The following GDPD5 variants were observed in gnomAD, a reference collection of about 807,000 sequenced individuals.
GDPD5 encodes glycerophosphodiester phosphodiesterase domain containing 5.
Under a neutral mutation model 75.1 loss-of-function variants are expected in GDPD5, and 48 were observed. The ratio of observed to expected loss-of-function variants is 0.64; its 90% CI spans 0.51 to 0.81. The LOEUF (loss-of-function observed/expected upper bound fraction) is 0.81. Ranked by LOEUF, GDPD5 falls within the 40% of genes least tolerant of loss-of-function variation. The pLI is 0.00. For synonymous variants in GDPD5, 336 were observed against 339.0 expected (o/e 0.99, Z 0.10); for missense variants, 706 against 822.6 (o/e 0.86, Z 1.73).
intron 9 of GDPD5, among the ~76,000 whole-genome samples, chr11:75,447,240 T>C (rs1484279795): frequency 1.3e-5 from 2 of 152,224 alleles, no homozygotes; most frequent in Non-Finnish European, 2.9e-5. Flanking sequence ...ATGCGTGCTG[T>C]GGACCACATT....
rs548442593 is a variant in GDPD5 at position 75,475,230 on chromosome 11, G to A, written c.117+2389C>T. Reference sequence around the variant, plus strand: ...TTCACAGATGAGACTCAGGGAGATCGGGTTTCACAGGAGTTGAACCCAGGC... The same window carrying A: ...TTCACAGATGAGACTCAGGGAGATCAGGTTTCACAGGAGTTGAACCCAGGC... On this transcript the variant is annotated intron_variant, in intron 3 of 16. Coordinates refer to ENST00000336898, the MANE Select transcript of GDPD5 (RefSeq NM_030792.8). 7.9e-5 allele frequency among the ~76,000 whole-genome samples: 12 copies of A among 152,286 alleles called. No individual in the cohort carries two copies. The South Asian group carries it at 1.7e-3, about 21-fold the overall frequency.
chr11:75,461,069 G>T (rs1414471400), intron 4 of GDPD5, among the ~76,000 whole-genome samples: 1 of 152,052 alleles, frequency 6.6e-6, no homozygotes, highest in Non-Finnish European at 1.5e-5. Context: ...CTAAGCCTTG[G>T]TCTCTTCAGT....
intron 1 of GDPD5, among the ~76,000 whole-genome samples, chr11:75,500,237 G>C (rs1950282648): frequency 6.6e-6 from 1 of 152,010 alleles, no homozygotes; most frequent in African/African-American, 2.4e-5. Flanking sequence ...AGCAGGCCTG[G>C]GGCTCATGCA....
Position 75,494,834 on chromosome 11 carries a change from C to T in GDPD5, c.-144-4514G>A, listed in dbSNP as rs1290361350. On this transcript the variant is annotated intron_variant, in intron 1 of 16. Coordinates refer to ENST00000336898, the MANE Select transcript of GDPD5 (RefSeq NM_030792.8). ...GGGCGTGGTGGCATGCGCCTGTAAT[C>T]CCAGCTATTCAGGAGGCTGAGGCAG... Among the ~76,000 whole-genome samples the T allele has an allele frequency of 3.9e-5, 6 of 151,922 alleles. No individual in the cohort carries two copies. The East Asian group carries it at 1.2e-3, about 30-fold the overall frequency.
Position 75,477,672 on chromosome 11 carries a change from T to C in GDPD5, c.64A>G (p.Ile22Val), listed in dbSNP as rs1409487031. The C allele has an allele frequency of 6.2e-7, 1 of 1,601,146 alleles. No homozygotes were observed. Among genetic ancestry groups the C allele is most frequent in the Admixed American group, 1.7e-5 (1 of 59,658 alleles). ...PQLCLSCLTG[I>V]YGCRWKRYQR... ...TAGCGCTTCCAACGGCAGCCGTAGATGCCCGTGAGGCAGGAGAGGCACAGC... is the reference window on the plus strand; with the variant it reads ...TAGCGCTTCCAACGGCAGCCGTAGACGCCCGTGAGGCAGGAGAGGCACAGC... The change falls in exon 3 of 17, where the codon ATC (isoleucine) becomes GTC (valine). Residue 22 changes from isoleucine (I) to valine (V), a missense_variant. Coordinates refer to ENST00000336898, the MANE Select transcript of GDPD5 (RefSeq NM_030792.8).
At chr11:75,491,246 G>T (rs1950103018) in intron 1 of GDPD5, among the ~76,000 whole-genome samples, 1 of 152,186 alleles carries the variant, frequency 6.6e-6, no homozygotes, top group African/African-American at 2.4e-5. Context: ...ACACTCCCAG[G>T]CCTGCCCTTC....
chr11:75,452,245 TGAATCAC>T (rs1949179792), intron 6 of GDPD5: 1 of 152,206 alleles, frequency 6.6e-6, no homozygotes, highest in African/African-American at 2.4e-5. Context: ...GAGCCTCACT[TGAATCAC>T]GGTCTTCAGT....
At chr11:75,456,031 G>A (rs1949278226) in intron 6 of GDPD5, among the ~76,000 whole-genome samples, 2 of 152,220 alleles carry the variant, frequency 1.3e-5, no homozygotes, top group Non-Finnish European at 2.9e-5. Context: ...TAGCAGGGGA[G>A]GCTGCAGGGG....
chr11:75,439,803 G>A, intron 15 of GDPD5, 76 bp downstream of exon 15: 1 of 1,200,828 alleles, frequency 8.3e-7, no homozygotes, highest in Non-Finnish European at 1.2e-6. Context: ...CTCAGGAGAG[G>A]GTTCACCTGG....
intron 1 of GDPD5, 169 bp from the exon 2 acceptor site, chr11:75,490,489 G>A (rs140959009): frequency 1.3e-5 from 2 of 152,306 alleles, no homozygotes; most frequent in Non-Finnish European, 2.9e-5. Flanking sequence ...CACAAAGCTG[G>A]TGGATGGGCT....
At chr11:75,436,878 T>C in intron 16 of GDPD5, 58 bp downstream of exon 16, 1 of 1,260,138 alleles carries the variant, frequency 7.9e-7, no homozygotes, top group Non-Finnish European at 1.2e-6. Context: ...TGTTTGCATG[T>C]GGGGGTGCAG....
chr11:75,521,147 G>A (rs775029684), intron 1 of GDPD5, among the ~76,000 whole-genome samples: 23 of 152,124 alleles, frequency 1.5e-4, no homozygotes, highest in Non-Finnish European at 3.1e-4. Context: ...ATGGACACAC[G>A]GGACCCCAGA....
chr11:75,449,610 C>T lies in GDPD5; in HGVS notation c.475G>A (p.Gly159Ser). ...CCCACATGCAGGAATGGCGCTGTGC[C>T]CTGTTTGCAGGGAGAGGGAAGGGAG... The part of the protein sequence containing the change: ...EWEVLLISLQ[G>S]TAPFLHVGAV... The change falls in exon 8 of 17, where the codon GGC (glycine) becomes AGC (serine). Residue 159 changes from glycine to serine, a missense_variant and splice_region_variant. Coordinates refer to ENST00000336898, the MANE Select transcript of GDPD5 (RefSeq NM_030792.8). 1 of 1,573,458 alleles carries T rather than the reference C, an allele frequency of 6.4e-7. No homozygotes were observed. Among genetic ancestry groups the T allele is most frequent in the Middle Eastern group, 1.7e-4 (1 of 6,014 alleles).
intron 12 of GDPD5, 146 bp downstream of exon 12, chr11:75,442,217 C>A (rs1948837279): frequency 3.1e-6 from 2 of 642,462 alleles, no homozygotes; most frequent in African/African-American, 1.8e-5. Context: ...CCCATGATGA[C>A]CCTGCCAGGG....
At chr11:75,444,364 G>T in intron 10 of GDPD5, 49 bp downstream of exon 10, 1 of 1,392,174 alleles carries the variant, frequency 7.2e-7, no homozygotes, top group Non-Finnish European at 1.0e-6. Context: ...GGTGGATGCC[G>T]AAGCGTGTGG....
At chr11:75,449,638 C>G in intron 7 of GDPD5, 28 bp from the exon 8 acceptor site, 2 of 1,554,546 alleles carry the variant, frequency 1.3e-6, no homozygotes, top group Non-Finnish European at 1.7e-6. Flanking sequence ...GAAGGGAGAC[C>G]AGTAACGCCC....
At chr11:75,520,646 T>C (rs1950736634) in intron 1 of GDPD5, among the ~76,000 whole-genome samples, 2 of 152,118 alleles carry the variant, frequency 1.3e-5, no homozygotes, top group Admixed American at 1.3e-4. Flanking sequence ...ACTGGAAGCT[T>C]ATAGCAGGCA....
chr11:75,460,216 G>A (rs1431715776), intron 4 of GDPD5, among the ~76,000 whole-genome samples: 1 of 152,184 alleles, frequency 6.6e-6, no homozygotes, highest in Non-Finnish European at 1.5e-5. Context: ...AGCCAAGACG[G>A]CCCTCCCTGG....
At chr11:75,444,967 C>T (rs936717392) in intron 9 of GDPD5, among the ~76,000 whole-genome samples, 4 of 152,040 alleles carry the variant, frequency 2.6e-5, no homozygotes, top group South Asian at 2.1e-4. Context: ...AGGGGGGAGA[C>T]CTGGAAGAGA....
Sources: allele counts gnomAD v4.1 joint callset (sites outside exome capture counted in the v4.1 genomes callset), GRCh38; gene constraint gnomAD v4.1.1; transcripts MANE v1.5; gene names NCBI Gene and HGNC (gene_info 2026-07-23, HGNC 2026-07-21).